The following ZNF578 variants were observed in gnomAD, a reference collection of about 807,000 sequenced individuals.
ZNF578 encodes the protein zinc finger protein 578.
ZNF578 carries 8 observed loss-of-function variants against 8.3 expected under a neutral mutation model. The ratio of observed to expected loss-of-function variants is 0.96; its 90% CI spans 0.56 to 1.74. The LOEUF (loss-of-function observed/expected upper bound fraction) is 1.74, where lower values mean the gene tolerates loss of function less well. ZNF578 is among the 40% of genes most tolerant of loss of function. The pLI, the probability that ZNF578 is intolerant of heterozygous loss-of-function variation, is 0.00. For synonymous variants in ZNF578, 206 were observed against 232.2 expected (o/e 0.89, Z 1.03); for missense variants, 726 against 707.5 (o/e 1.03, Z -0.30).
intron 5 of ZNF578, among the ~76,000 whole-genome samples, chr19:52,509,850 AGTATT>A (rs1331622637): frequency 1.3e-5 from 2 of 152,018 alleles, no homozygotes; most frequent in Admixed American, 6.6e-5. Context: ...TATTGAGAAA[AGTATT>A]GTATTAACTT....
At chr19:52,481,261 CCTT>C (rs1389905598) in intron 2 of ZNF578, among the ~76,000 whole-genome samples, 3 of 152,210 alleles carry the variant, frequency 2.0e-5, no homozygotes, top group Non-Finnish European at 4.4e-5. Context: ...CTCCAGCAGA[CCTT>C]CTTCCTTCAT....
Position 52,504,089 on chromosome 19 carries a change from T to A in ZNF578, c.64-566T>A, listed in dbSNP as rs947220390. 2.2e-5 allele frequency among the ~76,000 whole-genome samples: 3 copies of A among 137,972 alleles called. No homozygotes were observed. In the Admixed American group the frequency reaches 2.2e-4, roughly 10 times the overall value. The allele number at this position is 137,972 out of a possible 152,430, so 90.5% of individuals were successfully genotyped here. A position where few individuals can be genotyped will look rare whatever the true frequency, so the allele number is the denominator to read the frequency against. On this transcript the variant is annotated intron_variant, in intron 4 of 5. Coordinates refer to ENST00000421239, the MANE Select transcript of ZNF578 (RefSeq NM_001099694.2). Reference sequence around the variant, plus strand: ...GGGATTACAGGTGAGAGCCACCGCCTGGCATTGCTTTTTTTTTTTAACATG... The same window carrying A: ...GGGATTACAGGTGAGAGCCACCGCCAGGCATTGCTTTTTTTTTTTAACATG...
intron 2 of ZNF578, among the ~76,000 whole-genome samples, chr19:52,467,350 G>T (rs6509642): frequency 0.89 from 134,574 of 151,770 alleles, 60,426 homozygotes; most frequent in Non-Finnish European, 0.96. Context: ...GTAACTTGTT[G>T]AGCCCGGGAG....
At chr19:52,485,947 G>A (rs764328427) in intron 2 of ZNF578, among the ~76,000 whole-genome samples, 2 of 152,126 alleles carry the variant, frequency 1.3e-5, no homozygotes, top group Non-Finnish European at 2.9e-5. Context: ...CCCCCAGCCC[G>A]ACACCCATAA....
chr19:52,498,836 C>T (rs1490023850), intron 3 of ZNF578, among the ~76,000 whole-genome samples: 1 of 152,074 alleles, frequency 6.6e-6, no homozygotes, highest in Admixed American at 6.6e-5. Flanking sequence ...ATGCACGCCA[C>T]GATGCCTGGC....
chr19:52,487,278 G>T lies in ZNF578; in HGVS notation c.-121-4046G>T, dbSNP rs2059349023. ...CAGGAGGTCCAGGCTGCACTGAGCT[G>T]AGATCATGCCACTATACTGCAGCCT... On this transcript the variant is annotated intron_variant, in intron 2 of 5. Transcript: ENST00000421239. Among the ~76,000 whole-genome samples, 4 of 152,180 alleles carry T rather than the reference G, an allele frequency of 2.6e-5. No individual in the cohort carries two copies. The South Asian group carries it at 8.3e-4, about 32-fold the overall frequency.
intron 3 of ZNF578, among the ~76,000 whole-genome samples, chr19:52,500,204 A>G (rs896107283): frequency 3.3e-5 from 5 of 152,088 alleles, no homozygotes; most frequent in Admixed American, 6.6e-5. Context: ...TAGAAAGTTT[A>G]TTTTGCCCAA....
Position 52,465,748 on chromosome 19 carries a change from C to T in ZNF578, c.-122+8790C>T, listed in dbSNP as rs1419956977. Reference sequence around the variant, plus strand: ...TGCTGTAGCAAGCTCAAATACGTGGCGTACTTATATTCAGTTTGTCCCATT... The same window carrying T: ...TGCTGTAGCAAGCTCAAATACGTGGTGTACTTATATTCAGTTTGTCCCATT... On this transcript the variant is annotated intron_variant, in intron 2 of 5. Coordinates refer to ENST00000421239, the MANE Select transcript of ZNF578 (RefSeq NM_001099694.2). Among the ~76,000 whole-genome samples the T allele has an allele frequency of 3.9e-5, 6 of 152,196 alleles. No homozygotes were observed. The South Asian group carries it at 6.2e-4, about 16-fold the overall frequency.
At chr19:52,461,967 G>A (rs1568454799) in intron 2 of ZNF578, among the ~76,000 whole-genome samples, 1 of 152,146 alleles carries the variant, frequency 6.6e-6, no homozygotes, top group East Asian at 1.9e-4. Context: ...CTCTTTGATA[G>A]TATAGATCCT....
At chr19:52,481,314 AC>A (rs1162320485) in intron 2 of ZNF578, among the ~76,000 whole-genome samples, 2 of 152,106 alleles carry the variant, frequency 1.3e-5, no homozygotes, top group African/African-American at 4.8e-5. Context: ...GTTGCCGTGG[AC>A]CCTGTTGGAC....
rs146396106 is a variant in ZNF578 at position 52,469,123 on chromosome 19, A to T, written c.-122+12165A>T. On this transcript the variant is annotated intron_variant, in intron 2 of 5. Coordinates refer to ENST00000421239, the MANE Select transcript of ZNF578 (RefSeq NM_001099694.2). Reference sequence around the variant, plus strand: ...CCCATTTGTTCTGTACCTATAGAGAACCCTGACTAATACAGACTTTGGTAC... The same window carrying T: ...CCCATTTGTTCTGTACCTATAGAGATCCCTGACTAATACAGACTTTGGTAC... Among the ~76,000 whole-genome samples, 440 of 149,148 alleles carry T rather than the reference A, an allele frequency of 3.0e-3. 3 individuals are homozygous for T. Among genetic ancestry groups the T allele is most frequent in the Admixed American group, 4.7e-3 (71 of 14,964 alleles).
At chr19:52,499,867 G>C (rs1289321920) in intron 3 of ZNF578, among the ~76,000 whole-genome samples, 2 of 152,054 alleles carry the variant, frequency 1.3e-5, no homozygotes, top group African/African-American at 4.8e-5. Flanking sequence ...GGAGAAAAAT[G>C]TTTGAAGACC....
chr19:52,509,706 G>T (rs1049821756), intron 5 of ZNF578, among the ~76,000 whole-genome samples: 1 of 152,056 alleles, frequency 6.6e-6, no homozygotes, highest in African/African-American at 2.4e-5. Context: ...GGCAGAGGTT[G>T]CAGTGAGCTG....
intron 1 of ZNF578, chr19:52,454,915 G>A (rs1169150873): frequency 4.0e-5 from 6 of 151,032 alleles, no homozygotes; most frequent in African/African-American, 1.5e-4. Flanking sequence ...TGTTGAGCAC[G>A]AGAGCAATGA....
At chr19:52,487,450 C>T (rs1477974698) in intron 2 of ZNF578, among the ~76,000 whole-genome samples, 1 of 152,100 alleles carries the variant, frequency 6.6e-6, no homozygotes, top group Non-Finnish European at 1.5e-5. Context: ...AAATTGGTGT[C>T]TATAAGACGT....
At chr19:52,491,986 C>G (rs2059366553) in intron 3 of ZNF578, among the ~76,000 whole-genome samples, 1 of 151,412 alleles carries the variant, frequency 6.6e-6, no homozygotes, top group African/African-American at 2.4e-5. Context: ...CGGTGAAACC[C>G]CATCTCTGCT....
At position 52,512,182 on chromosome 19, in the gene ZNF578, A is replaced by C. The variant is rs1371743405; in HGVS notation, c.*28A>C. ...TTCATACTGGAGAGAAACCTTACAA[A>C]TGTGAAGCATGTGACAAAGTTTTCA... On this transcript the variant is annotated 3_prime_UTR_variant, in exon 6 of 6. Transcript: ENST00000421239. 1 of 1,613,718 alleles carries C rather than the reference A, an allele frequency of 6.2e-7. No individual in the cohort carries two copies. Among genetic ancestry groups the C allele is most frequent in the Non-Finnish European group, 8.5e-7 (1 of 1,179,836 alleles).
intron 2 of ZNF578, among the ~76,000 whole-genome samples, chr19:52,465,160 C>T (rs1000807769): frequency 6.6e-6 from 1 of 152,138 alleles, no homozygotes; most frequent in African/African-American, 2.4e-5. Context: ...CTGTTTGACC[C>T]AGACAGTAGT....
intron 5 of ZNF578, 23 bp downstream of exon 5, chr19:52,504,804 C>T (rs763594788): frequency 6.2e-7 from 1 of 1,613,704 alleles, no homozygotes; most frequent in East Asian, 2.2e-5. Context: ...TCCCTGCAGA[C>T]ATGAGGAGTC....
Sources: gnomAD v4.1 joint callset for allele counts (sites outside exome capture counted in the v4.1 genomes callset) on GRCh38, gnomAD v4.1.1 for gene constraint, MANE v1.5 for transcripts, NCBI Gene and HGNC (gene_info 2026-07-23, HGNC 2026-07-21) for gene names.